Variants in CACNA2D1 observed in about 807,000 individuals in gnomAD.
The protein encoded by CACNA2D1 is voltage-dependent calcium channel subunit alpha-2/delta-1.
In CACNA2D1, 53 loss-of-function variants were observed where a neutral mutation model predicts 171.5. The ratio of observed to expected loss-of-function variants is 0.31; its 90% CI spans 0.25 to 0.39. CACNA2D1 has a LOEUF of 0.39. Ranked by LOEUF, CACNA2D1 falls within the 10% of genes least tolerant of loss-of-function variation. The probability of loss-of-function intolerance (pLI) is 1.00; values close to 1 mark genes in which losing one functional copy is unlikely to be tolerated. For missense variants in CACNA2D1, 903 were observed against 1,299.8 expected (o/e 0.69, Z 4.69); for synonymous variants, 442 against 443.1 (o/e 1.00, Z 0.03).
At chr7:82,130,984 A>T (rs951586287) in intron 5 of CACNA2D1, among the ~76,000 whole-genome samples, 1 of 151,976 alleles carries the variant, frequency 6.6e-6, no homozygotes, top group Non-Finnish European at 1.5e-5. Flanking sequence ...AATATTTTTT[A>T]GTAGAGACAG....
intron 1 of CACNA2D1, among the ~76,000 whole-genome samples, chr7:82,419,202 G>T (rs1828476935): frequency 6.6e-6 from 1 of 151,890 alleles, no homozygotes; most frequent in Non-Finnish European, 1.5e-5. Flanking sequence ...CTGTTTTGGG[G>T]TCTCTGTAAT....
At chr7:82,107,126 T>C (rs1156635460) in intron 6 of CACNA2D1, among the ~76,000 whole-genome samples, 2 of 152,140 alleles carry the variant, frequency 1.3e-5, no homozygotes, top group Non-Finnish European at 2.9e-5. Flanking sequence ...TTTTATGCCT[T>C]GATTTTGGCA....
intron 6 of CACNA2D1, among the ~76,000 whole-genome samples, chr7:82,110,971 G>T (rs1031411769): frequency 6.6e-6 from 1 of 151,990 alleles, no homozygotes; most frequent in African/African-American, 2.4e-5. Flanking sequence ...TGAGTACAGA[G>T]AATTTTGACC....
intron 3 of CACNA2D1, among the ~76,000 whole-genome samples, chr7:82,199,240 T>G (rs1320100019): frequency 1.3e-5 from 2 of 152,160 alleles, no homozygotes; most frequent in Non-Finnish European, 2.9e-5. Context: ...CTATGTGTGT[T>G]CAGTTTGTGA....
At chr7:81,967,745 AG>A in intron 29 of CACNA2D1, 82 bp from the exon 30 acceptor site, 1 of 700,734 alleles carries the variant, frequency 1.4e-6, no homozygotes. Flanking sequence ...TTTGATAGCA[AG>A]TATCAGACTA....
intron 3 of CACNA2D1, among the ~76,000 whole-genome samples, chr7:82,300,186 A>C (rs1812827193): frequency 6.6e-6 from 1 of 151,766 alleles, no homozygotes; most frequent in Non-Finnish European, 1.5e-5. Flanking sequence ...ATAAAGCACG[A>C]AGTTAGGGAA....
At chr7:82,173,254 T>C (rs1303300962) in intron 3 of CACNA2D1, among the ~76,000 whole-genome samples, 2 of 152,102 alleles carry the variant, frequency 1.3e-5, no homozygotes, top group East Asian at 3.9e-4. Flanking sequence ...AGGAAGATAG[T>C]CCAAATCGGC....
Position 82,288,020 on chromosome 7 carries a change from T to C in CACNA2D1, c.294+47115A>G, listed in dbSNP as rs1228620739. Among the ~76,000 whole-genome samples, 3 of 149,264 alleles carry C rather than the reference T, an allele frequency of 2.0e-5. 1 individual carries two copies. Among genetic ancestry groups the C allele is most frequent in the African/African-American group, 7.7e-5 (3 of 39,162 alleles). ...TAATTTTTTTTTTTTTTTTGTATTTTTAGTAGAGATGGGGTTTCACTGTGT... is the reference window on the plus strand; with the variant it reads ...TAATTTTTTTTTTTTTTTTGTATTTCTAGTAGAGATGGGGTTTCACTGTGT... On this transcript the variant is annotated intron_variant, in intron 3 of 38. Coordinates refer to ENST00000356860, the MANE Select transcript of CACNA2D1 (RefSeq NM_000722.4).
chr7:81,957,381 C>T (rs1361001970), intron 38 of CACNA2D1, among the ~76,000 whole-genome samples: 1 of 151,882 alleles, frequency 6.6e-6, no homozygotes, highest in East Asian at 1.9e-4. Flanking sequence ...ATTAATATCG[C>T]AGATTTAGGA....
chr7:82,433,336 G>A (rs1018476811), intron 1 of CACNA2D1, among the ~76,000 whole-genome samples: 1 of 152,182 alleles, frequency 6.6e-6, no homozygotes, highest in Non-Finnish European at 1.5e-5. Context: ...GCAAACTGGA[G>A]TCTTGTTACT....
chr7:82,083,444 A>G (rs1810049706), intron 7 of CACNA2D1, among the ~76,000 whole-genome samples: 1 of 151,698 alleles, frequency 6.6e-6, no homozygotes, highest in Non-Finnish European at 1.5e-5. Context: ...AGTATTATAT[A>G]ATATAATACT....
intron 1 of CACNA2D1, among the ~76,000 whole-genome samples, chr7:82,378,230 C>T (rs572290560): frequency 6.6e-6 from 1 of 151,976 alleles, no homozygotes; most frequent in Non-Finnish European, 1.5e-5. Flanking sequence ...AGACCTGTCT[C>T]TACAAAAAAA....
At chr7:82,282,170 C>T (rs564016460) in intron 3 of CACNA2D1, among the ~76,000 whole-genome samples, 33 of 152,092 alleles carry the variant, frequency 2.2e-4, no homozygotes, top group African/African-American at 7.2e-4. Context: ...TGGTGACCCC[C>T]GCCTGTAGTC....
At chr7:82,093,644 A>G (rs1811502935) in intron 6 of CACNA2D1, among the ~76,000 whole-genome samples, 1 of 152,184 alleles carries the variant, frequency 6.6e-6, no homozygotes, top group Non-Finnish European at 1.5e-5. Context: ...ACTTGGTGAG[A>G]AAATAATTTT....
chr7:82,107,401 G>C (rs960702380), intron 6 of CACNA2D1, among the ~76,000 whole-genome samples: 7 of 152,052 alleles, frequency 4.6e-5, no homozygotes, highest in Admixed American at 1.3e-4. Flanking sequence ...ATCCAGACAG[G>C]TAACGACTAA....
chr7:82,204,819 G>A (rs997693674), intron 3 of CACNA2D1, among the ~76,000 whole-genome samples: 1 of 152,132 alleles, frequency 6.6e-6, no homozygotes, highest in East Asian at 1.9e-4. Flanking sequence ...TTGGCCTAGG[G>A]GGTGGAGTGT....
chr7:82,070,803 A>C (rs1808232469), intron 7 of CACNA2D1, among the ~76,000 whole-genome samples: 1 of 152,180 alleles, frequency 6.6e-6, no homozygotes, highest in Non-Finnish European at 1.5e-5. Context: ...GACAGCTAGC[A>C]ACCTTGGTCA....
intron 30 of CACNA2D1, 44 bp from the exon 31 acceptor site, chr7:81,967,251 G>A (rs758824009): frequency 2.0e-6 from 3 of 1,485,818 alleles, no homozygotes; most frequent in Admixed American, 1.7e-5. Context: ...TTAAAAGTTG[G>A]ATTTTAATTA....
At chr7:82,264,384 CACTT>C (rs1435580775) in intron 3 of CACNA2D1, among the ~76,000 whole-genome samples, 1 of 152,036 alleles carries the variant, frequency 6.6e-6, no homozygotes, top group East Asian at 1.9e-4. Flanking sequence ...TATAGATACT[CACTT>C]ATGTTTGCTT....
Sources: allele counts gnomAD v4.1 joint callset (sites outside exome capture counted in the v4.1 genomes callset), GRCh38; gene constraint gnomAD v4.1.1; transcripts MANE v1.5; gene names NCBI Gene and HGNC (gene_info 2026-07-23, HGNC 2026-07-21).